ST6GALNAC5: variants seen among roughly 807,000 people sequenced by gnomAD.
ST6GALNAC5 encodes the protein alpha-N-acetylgalactosaminide alpha-2,6-sialyltransferase 5.
ST6GALNAC5 carries 27 observed loss-of-function variants against 33.6 expected under a neutral mutation model. The ratio of observed to expected loss-of-function variants is 0.80; its 90% CI spans 0.59 to 1.11. ST6GALNAC5 has a LOEUF of 1.11. ST6GALNAC5 is among the 50% of genes least tolerant of loss of function. ST6GALNAC5 has a pLI of 0.00. For missense variants in ST6GALNAC5, 428 were observed against 454.0 expected (o/e 0.94, Z 0.52); for synonymous variants, 194 against 171.2 (o/e 1.13, Z -1.04).
At chr1:76,938,902 C>T (rs537730054) in intron 2 of ST6GALNAC5, among the ~76,000 whole-genome samples, 122 of 152,206 alleles carry the variant, frequency 8.0e-4, no homozygotes, top group Middle Eastern at 3.4e-3. Flanking sequence ...TAATTATTTA[C>T]GTTTAATTAT....
intron 2 of ST6GALNAC5, among the ~76,000 whole-genome samples, chr1:76,944,459 C>A (rs190477348): frequency 6.6e-6 from 1 of 152,022 alleles, no homozygotes; most frequent in African/African-American, 2.4e-5. Flanking sequence ...ATGGCCCCCT[C>A]TCTATTCCCT....
chr1:77,027,926 G>T (rs1651308041), intron 2 of ST6GALNAC5, among the ~76,000 whole-genome samples: 1 of 152,180 alleles, frequency 6.6e-6, no homozygotes, highest in East Asian at 1.9e-4. Flanking sequence ...ACAAAACACT[G>T]ATTTGCAGTT....
chr1:76,996,429 A>G (rs183142897), intron 2 of ST6GALNAC5, among the ~76,000 whole-genome samples: 1 of 152,234 alleles, frequency 6.6e-6, no homozygotes, highest in East Asian at 1.9e-4. Context: ...AACAACTCAC[A>G]ATCTAATGCA....
chr1:76,881,497 ATTG>A (rs1653778705), intron 2 of ST6GALNAC5, among the ~76,000 whole-genome samples: 1 of 151,932 alleles, frequency 6.6e-6, no homozygotes, highest in Non-Finnish European at 1.5e-5. Flanking sequence ...ATTCCACTTT[ATTG>A]TTATTTCTTG....
At chr1:76,972,745 A>T (rs1269731889) in intron 2 of ST6GALNAC5, among the ~76,000 whole-genome samples, 3 of 152,132 alleles carry the variant, frequency 2.0e-5, no homozygotes, top group Non-Finnish European at 4.4e-5. Flanking sequence ...AGATAATGTC[A>T]CTTGCCCTCC....
chr1:77,056,288 T>C (rs1394802785), intron 4 of ST6GALNAC5, among the ~76,000 whole-genome samples: 1 of 152,248 alleles, frequency 6.6e-6, no homozygotes, highest in Non-Finnish European at 1.5e-5. Flanking sequence ...GTCGTTGCTT[T>C]CCAAACTAAG....
At chr1:76,978,116 G>T (rs1201946640) in intron 2 of ST6GALNAC5, among the ~76,000 whole-genome samples, 2 of 152,012 alleles carry the variant, frequency 1.3e-5, no homozygotes, top group African/African-American at 4.8e-5. Context: ...TTGACTATTT[G>T]TATGTATTCT....
intron 2 of ST6GALNAC5, among the ~76,000 whole-genome samples, chr1:76,954,964 A>G (rs1647896584): frequency 6.6e-6 from 1 of 152,180 alleles, no homozygotes; most frequent in South Asian, 2.1e-4. Flanking sequence ...GTTCTGGTCT[A>G]TGGAGAAGGG....
intron 2 of ST6GALNAC5, among the ~76,000 whole-genome samples, chr1:76,887,163 T>A (rs1653916245): frequency 6.6e-6 from 1 of 152,144 alleles, no homozygotes; most frequent in Non-Finnish European, 1.5e-5. Flanking sequence ...AAATAGAAAT[T>A]TCTTTATAAG....
At chr1:76,892,034 A>G (rs1393603445) in intron 2 of ST6GALNAC5, among the ~76,000 whole-genome samples, 1 of 152,228 alleles carries the variant, frequency 6.6e-6, no homozygotes, top group East Asian at 1.9e-4. Context: ...TTCTGTGAAG[A>G]TGACTGTGCA....
chr1:77,031,177 A>G (rs1022177423), intron 2 of ST6GALNAC5, among the ~76,000 whole-genome samples: 2 of 152,218 alleles, frequency 1.3e-5, no homozygotes, highest in African/African-American at 4.8e-5. Context: ...ATGATTAGCA[A>G]ATGAGTAGAC....
rs182500836 is a variant in ST6GALNAC5, at chr1:76,987,212, T to A, written c.262-56992T>A. Among the ~76,000 whole-genome samples the A allele has an allele frequency of 8.8e-3, 1,343 of 151,778 alleles. 22 individuals carry two copies. The highest frequency in any genetic ancestry group is 0.031 in the African/African-American group (1,272 of 41,436). ...ATAAACAAAATCAATAATAAGAAAA[T>A]TTTTAAAAAGTAGCTATTACAATTC... On this transcript the variant is annotated intron_variant, in intron 2 of 4. Transcript: ENST00000477717.
intron 2 of ST6GALNAC5, among the ~76,000 whole-genome samples, chr1:76,936,108 A>T (rs774926114): frequency 6.6e-6 from 1 of 151,996 alleles, no homozygotes; most frequent in African/African-American, 2.4e-5. Flanking sequence ...AATATTCTGG[A>T]TTTCCCAAAA....
rs909562097 is a variant in ST6GALNAC5 at position 77,020,899 on chromosome 1, C to T, written c.262-23305C>T. On this transcript the variant is annotated intron_variant, in intron 2 of 4. Transcript: ENST00000477717. ...CCTCAGCAGGAGCTATAGGCAGGAA[C>T]ACCTACAGATGTCCTCTTGTTGTTA... Among the ~76,000 whole-genome samples, 5 of 152,330 alleles carry T rather than the reference C, an allele frequency of 3.3e-5. 1 individual carries two copies. The highest frequency in any genetic ancestry group is 3.3e-4 in the Admixed American group (5 of 15,304).
In ST6GALNAC5 at chr1:76,874,294, C is replaced by G. The variant is rs143116922; in HGVS notation, c.261+5552C>G. 1.3e-4 allele frequency among the ~76,000 whole-genome samples: 20 copies of G among 152,280 alleles called. No homozygotes were observed. In the East Asian group the frequency reaches 3.9e-3, roughly 29 times the overall value. On this transcript the variant is annotated intron_variant, in intron 2 of 4. Transcript: ENST00000477717. ...CTCTTTATGATTTTCCTCGGCATGA[C>G]ATAGGGTCTTCTGCACTTGTTAAGT...
rs966421864 is a variant in ST6GALNAC5 at position 76,904,300 on chromosome 1, G to A, written c.261+35558G>A. On this transcript the variant is annotated intron_variant, in intron 2 of 4. Transcript: ENST00000477717. ...TTAGAGCTCAGTTGAGAAGAGAAAG[G>A]GAAAGGGACTCAAATTCATGCTTAA... 3.3e-5 allele frequency among the ~76,000 whole-genome samples: 5 copies of A among 151,982 alleles called. No individual in the cohort carries two copies. The East Asian group carries it at 5.8e-4, about 18-fold the overall frequency.
intron 2 of ST6GALNAC5, among the ~76,000 whole-genome samples, chr1:76,945,542 C>A (rs559726201): frequency 2.0e-5 from 3 of 152,088 alleles, no homozygotes; most frequent in African/African-American, 4.8e-5. Flanking sequence ...AACTAATGCA[C>A]AATCCCATAT....
At chr1:77,032,511 G>A (rs1651495585) in intron 2 of ST6GALNAC5, among the ~76,000 whole-genome samples, 1 of 152,066 alleles carries the variant, frequency 6.6e-6, no homozygotes, top group Non-Finnish European at 1.5e-5. Context: ...GGATATGAGG[G>A]GAGAGGCACT....
intron 2 of ST6GALNAC5, among the ~76,000 whole-genome samples, chr1:77,005,217 G>A (rs149178253): frequency 0.018 from 2,761 of 152,342 alleles, 84 homozygotes; most frequent in African/African-American, 0.062. Flanking sequence ...AAGCTGGTCC[G>A]AAAAGCGCAA....
Sources: gnomAD v4.1 joint callset for allele counts (sites outside exome capture counted in the v4.1 genomes callset) on GRCh38, gnomAD v4.1.1 for gene constraint, MANE v1.5 for transcripts, NCBI Gene and HGNC (gene_info 2026-07-23, HGNC 2026-07-21) for gene names.